Variants in DAPK1 observed in about 807,000 individuals in gnomAD.
DAPK1 encodes the protein death associated protein kinase 1.
A neutral mutation model predicts 144.9 loss-of-function variants in DAPK1; 56 were observed. That is an observed-to-expected ratio of 0.39 (90% CI 0.31 to 0.48). DAPK1 has a LOEUF of 0.48. Among genes scored for constraint, DAPK1 ranks in the 20% least tolerant of loss-of-function variants. The pLI is 0.95. For missense variants in DAPK1, 1,454 were observed against 1,875.4 expected, an observed-to-expected ratio of 0.78 and a Z score of 4.15; for synonymous variants, 690 against 749.0, an observed-to-expected ratio of 0.92 and a Z score of 1.29.
intron 2 of DAPK1, among the ~76,000 whole-genome samples, chr9:87,598,268 C>T (rs1327121189): frequency 2.6e-5 from 4 of 152,174 alleles, no homozygotes; most frequent in African/African-American, 7.2e-5. Flanking sequence ...GTAGAAATTA[C>T]TTTGTGTTAA....
intron 19 of DAPK1, among the ~76,000 whole-genome samples, chr9:87,679,892 C>T (rs1428647594): frequency 6.6e-6 from 1 of 152,132 alleles, no homozygotes; most frequent in Non-Finnish European, 1.5e-5. Context: ...CTAAAGGATC[C>T]AGACACCTCC....
rs1825698418 is a variant in DAPK1 at position 87,707,887 on chromosome 9, ATG to A, written c.*526_*527del. 1 of 456,302 alleles carries A rather than the reference ATG, an allele frequency of 2.2e-6. No homozygotes were observed. The highest frequency in any genetic ancestry group is 2.0e-5 in the African/African-American group (1 of 50,060). The allele number at this position is 456,302 out of a possible 1,614,324, so 28.3% of individuals were successfully genotyped here. On this transcript the variant is annotated 3_prime_UTR_variant, in exon 26 of 26. Coordinates refer to ENST00000408954, the MANE Select transcript of DAPK1 (RefSeq NM_004938.4). The surrounding 1 kb of genome is among the most constrained non-coding windows in gnomAD (Gnocchi z 4.0). ...ACTGTATGATTTATAAACAGACAATATGTGAGTGCCTTTTGCAGAAGAGGGTG... is the reference window on the plus strand; with the variant it reads ...ACTGTATGATTTATAAACAGACAATATGAGTGCCTTTTGCAGAAGAGGGTG...
At chr9:87,563,228 A>G (rs1826995871) in intron 2 of DAPK1, among the ~76,000 whole-genome samples, 1 of 152,208 alleles carries the variant, frequency 6.6e-6, no homozygotes, top group Admixed American at 6.5e-5. Flanking sequence ...ATTTGTCAGA[A>G]TTTAGTCAAC....
chr9:87,548,870 G>T (rs1465332973), intron 2 of DAPK1, among the ~76,000 whole-genome samples: 1 of 138,774 alleles, frequency 7.2e-6, no homozygotes, highest in African/African-American at 2.7e-5. Context: ...TGTAAAGAAT[G>T]CATCCTTTTG....
At chr9:87,528,341 C>G (rs1288105463) in intron 2 of DAPK1, among the ~76,000 whole-genome samples, 2 of 151,968 alleles carry the variant, frequency 1.3e-5, no homozygotes, top group African/African-American at 4.8e-5. Flanking sequence ...CCTCAGCCTT[C>G]CGAGTAGCTG....
At chr9:87,650,782 G>A (rs10868642) in intron 16 of DAPK1, among the ~76,000 whole-genome samples, 36,815 of 152,148 alleles carry the variant, frequency 0.24, 5,616 homozygotes, top group African/African-American at 0.43. Flanking sequence ...GGTTGTCACA[G>A]CTAGAGATGG....
intron 3 of DAPK1, among the ~76,000 whole-genome samples, chr9:87,622,326 C>T (rs1829325412): frequency 6.6e-6 from 1 of 151,992 alleles, no homozygotes; most frequent in Admixed American, 6.5e-5. Context: ...CCTCCTACAC[C>T]AGACACCCTG....
intron 16 of DAPK1, 126 bp downstream of exon 16, chr9:87,650,244 C>G: frequency 1.2e-6 from 1 of 854,916 alleles, no homozygotes; most frequent in East Asian, 2.7e-5. Context: ...ATTACCCCGT[C>G]TCTTCTCTGT....
At chr9:87,586,090 C>A (rs1266886768) in intron 2 of DAPK1, among the ~76,000 whole-genome samples, 7 of 152,098 alleles carry the variant, frequency 4.6e-5, no homozygotes, top group Admixed American at 2.0e-4. Context: ...AAGTGTGAGA[C>A]CAGCTTGTGC....
intron 19 of DAPK1, among the ~76,000 whole-genome samples, chr9:87,674,880 G>A (rs988532190): frequency 1.3e-5 from 2 of 152,146 alleles, no homozygotes; most frequent in African/African-American, 2.4e-5. Flanking sequence ...TAGAAACTAG[G>A]AGATTTACCA....
chr9:87,498,982 A>G lies in DAPK1; in HGVS notation c.-96A>G, dbSNP rs1824294691. The G allele has an allele frequency of 2.2e-6, 2 of 915,562 alleles. No homozygotes were observed. Among genetic ancestry groups the G allele is most frequent in the African/African-American group, 1.6e-5 (1 of 61,108 alleles). The allele number at this position is 915,562 out of a possible 1,614,324, so 56.7% of individuals were successfully genotyped here. A position where few individuals can be genotyped will look rare whatever the true frequency, so the allele number is the denominator to read the frequency against. On this transcript the variant is annotated 5_prime_UTR_variant, in exon 2 of 26. It removes an upstream start codon present in the reference 5' UTR. Coordinates refer to ENST00000408954, the MANE Select transcript of DAPK1 (RefSeq NM_004938.4). ...TTTTCTTCAAAAGGACTGGAGACTG[A>G]TGCATGAGGGGGCTACGGAGGCGCA...
chr9:87,511,502 C>T (rs892890566), intron 2 of DAPK1, among the ~76,000 whole-genome samples: 5 of 152,114 alleles, frequency 3.3e-5, no homozygotes, highest in Non-Finnish European at 5.9e-5. Context: ...AACTAAAAGC[C>T]GCTCTGTAGC....
intron 2 of DAPK1, chr9:87,554,393 T>C (rs1437203158): frequency 6.6e-6 from 1 of 151,874 alleles, no homozygotes; most frequent in Non-Finnish European, 1.5e-5. Flanking sequence ...TGAATAGCAA[T>C]AATTATGGGA....
rs75883793 is a variant in DAPK1 at position 87,529,152 on chromosome 9, T to C, written c.62+30013T>C. Among the ~76,000 whole-genome samples, 483 of 152,250 alleles carry C rather than the reference T, an allele frequency of 3.2e-3. 2 individuals are homozygous for C. Among genetic ancestry groups the C allele is most frequent in the African/African-American group, 0.011 (448 of 41,552 alleles). On this transcript the variant is annotated intron_variant, in intron 2 of 25. Transcript: ENST00000408954. Reference sequence around the variant, plus strand: ...CAACATGTAAAACCCCAAGTCAAAATGTTAAACCGCGTACTTGATCTCTCA... The same window carrying C: ...CAACATGTAAAACCCCAAGTCAAAACGTTAAACCGCGTACTTGATCTCTCA...
At chr9:87,626,823 ACT>A (rs1829510155) in intron 3 of DAPK1, among the ~76,000 whole-genome samples, 1 of 152,078 alleles carries the variant, frequency 6.6e-6, no homozygotes, top group South Asian at 2.1e-4. Context: ...TGATGCATAG[ACT>A]CTGATGTCAT....
chr9:87,697,512 C>T (rs896077483), intron 22 of DAPK1, among the ~76,000 whole-genome samples: 3 of 152,194 alleles, frequency 2.0e-5, no homozygotes, highest in African/African-American at 7.2e-5. Context: ...AGGCATTTCT[C>T]ACTTTTTTTC....
rs139598941 is a variant in DAPK1, at chr9:87,515,831, G to A, written c.62+16692G>A. Among the ~76,000 whole-genome samples, 156 of 152,218 alleles carry A rather than the reference G, an allele frequency of 1.0e-3. 1 individual carries two copies. Among genetic ancestry groups the A allele is most frequent in the African/African-American group, 3.5e-3 (147 of 41,514 alleles). ...AGGAGCTGCGGGGCAAGTAGCTGCC[G>A]TTTTCTTCCCATTCTCAGAGTCCAT... On this transcript the variant is annotated intron_variant, in intron 2 of 25. Transcript: ENST00000408954.
chr9:87,574,712 A>G (rs1452076125), intron 2 of DAPK1, among the ~76,000 whole-genome samples: 1 of 152,168 alleles, frequency 6.6e-6, no homozygotes, highest in Non-Finnish European at 1.5e-5. Flanking sequence ...TGAAGTCAGG[A>G]GTTTGAGACC....
chr9:87,618,845 A>T (rs987678459), intron 3 of DAPK1, among the ~76,000 whole-genome samples: 2 of 152,232 alleles, frequency 1.3e-5, no homozygotes, highest in African/African-American at 4.8e-5. Context: ...GGATGGTTGC[A>T]TAACCCTGAA....
Sources: allele counts gnomAD v4.1 joint callset (sites outside exome capture counted in the v4.1 genomes callset), GRCh38; gene constraint gnomAD v4.1.1; non-coding constraint Gnocchi (gnomAD v3.1); transcripts MANE v1.5; gene names NCBI Gene and HGNC (gene_info 2026-07-23, HGNC 2026-07-21).